DENND10: variants seen among roughly 807,000 people sequenced by gnomAD.
DENND10 encodes DENN domain-containing protein 10.
In DENND10, 24 loss-of-function variants were observed where a neutral mutation model predicts 43.6. The observed-to-expected ratio is 0.55, with a 90% confidence interval of 0.40 to 0.77. The LOEUF is 0.77. Among genes scored for constraint, DENND10 ranks in the 30% least tolerant of loss-of-function variants. The pLI is 0.00. For synonymous variants in DENND10, 125 were observed against 157.6 expected, an observed-to-expected ratio of 0.79 and a Z score of 1.55; for missense variants, 303 against 429.9, an observed-to-expected ratio of 0.70 and a Z score of 2.61.
At chr10:119,110,496 C>T (rs982033284) in intron 2 of DENND10, among the ~76,000 whole-genome samples, 9 of 151,990 alleles carry the variant, frequency 5.9e-5, no homozygotes, top group Admixed American at 2.6e-4. Context: ...CTCACTCTGT[C>T]GCCCAGCCTG....
intron 6 of DENND10, among the ~76,000 whole-genome samples, chr10:119,125,829 T>C (rs1006033317): frequency 1.6e-4 from 25 of 152,128 alleles, no homozygotes; most frequent in Non-Finnish European, 8.8e-5. Flanking sequence ...CTTCTAGTTA[T>C]TTTTAAATAT....
In DENND10 at chr10:119,125,544, G is replaced by A. The variant is rs188279414; in HGVS notation, c.694+1975G>A. Among the ~76,000 whole-genome samples, 18 of 108,260 alleles carry A rather than the reference G, an allele frequency of 1.7e-4. 1 individual carries two copies. The highest frequency in any genetic ancestry group is 6.3e-4 in the African/African-American group (18 of 28,746). 71.0% of individuals were successfully genotyped at this position (108,260 alleles called of 152,430 possible). A position where few individuals can be genotyped will look rare whatever the true frequency, so the allele number is the denominator to read the frequency against. On this transcript the variant is annotated intron_variant, in intron 6 of 8. Coordinates refer to ENST00000361432, the MANE Select transcript of DENND10 (RefSeq NM_207009.4). ...TTTTTTTGAGTTGGAGTCTCACTCT[G>A]TTGCCCAGGCTGGAGTGCAGTGGCA... is the stretch of plus-strand genomic sequence containing the variant.
At chr10:119,111,771 G>T in intron 2 of DENND10, 78 bp from the exon 3 acceptor site, 1 of 1,125,512 alleles carries the variant, frequency 8.9e-7, no homozygotes, top group Non-Finnish European at 1.3e-6. Flanking sequence ...TATACAAAAG[G>T]TTTGTTAGAA....
intron 1 of DENND10, among the ~76,000 whole-genome samples, chr10:119,106,208 G>T (rs1483255047): frequency 6.6e-6 from 1 of 152,076 alleles, no homozygotes; most frequent in Non-Finnish European, 1.5e-5. Flanking sequence ...AAGTGACAGA[G>T]TTAGACCCTG....
intron 3 of DENND10, among the ~76,000 whole-genome samples, 179 bp downstream of exon 3, chr10:119,112,107 T>A (rs1255028804): frequency 6.6e-6 from 1 of 152,200 alleles, no homozygotes; most frequent in African/African-American, 2.4e-5. Context: ...GATACTTCTC[T>A]TATTTGGGTA....
chr10:119,111,336 G>T (rs1844966067), intron 2 of DENND10, among the ~76,000 whole-genome samples: 1 of 150,942 alleles, frequency 6.6e-6, no homozygotes, highest in Admixed American at 6.6e-5. Flanking sequence ...TAAAATAAGG[G>T]TTTGGTGGTA....
chr10:119,135,791 T>TAAA lies in DENND10; in HGVS notation c.898-657_898-655dup, dbSNP rs367836571. 7.6e-3 allele frequency among the ~76,000 whole-genome samples: 488 copies of TAAA among 64,008 alleles called. 23 individuals are homozygous for TAAA. Among genetic ancestry groups the TAAA allele is most frequent in the African/African-American group, 0.026 (447 of 16,980 alleles). The allele number at this position is 64,008 out of a possible 152,430, so 42.0% of individuals were successfully genotyped here. ...TACACTCAGAAAATGACTAAAATTG[T>TAAA]AAAAAAAAAAAAAAAAAAAAAAAAA... On this transcript the variant is annotated intron_variant, in intron 8 of 8. Transcript: ENST00000361432.
intron 2 of DENND10, among the ~76,000 whole-genome samples, chr10:119,110,266 G>A (rs1273795033): frequency 6.6e-6 from 1 of 151,642 alleles, no homozygotes; most frequent in Non-Finnish European, 1.5e-5. Context: ...CTGCCTCCCA[G>A]GATCAAGCGA....
chr10:119,121,336 G>C (rs1450953497), intron 5 of DENND10, among the ~76,000 whole-genome samples: 1 of 151,036 alleles, frequency 6.6e-6, no homozygotes, highest in Non-Finnish European at 1.5e-5. Context: ...GGGGTTTCTG[G>C]GGTCTCACTA....
chr10:119,106,580 C>T (rs960723560), intron 1 of DENND10, among the ~76,000 whole-genome samples: 4 of 152,214 alleles, frequency 2.6e-5, no homozygotes, highest in South Asian at 2.1e-4. Flanking sequence ...TGGCCTCAGG[C>T]GATCCTCCTG....
In DENND10 at chr10:119,132,451, C is replaced by A; in HGVS notation, c.803-64C>A. ...CCCTCAGTGTGGTCTTCCAAGTTTT[C>A]AGATAGATGGCATGATTATTTTTTA... On this transcript the variant is annotated intron_variant, in intron 7 of 8. Transcript: ENST00000361432. The surrounding 1 kb of genome is among the most constrained non-coding windows in gnomAD (Gnocchi z 4.2). The A allele has an allele frequency of 7.1e-7, 1 of 1,400,202 alleles. No individual in the cohort carries two copies. The highest frequency in any genetic ancestry group is 1.2e-5 in the South Asian group (1 of 86,424). The allele number at this position is 1,400,202 out of a possible 1,614,324, so 86.7% of individuals were successfully genotyped here. A position where few individuals can be genotyped will look rare whatever the true frequency, so the allele number is the denominator to read the frequency against.
chr10:119,106,098 G>T (rs1466895658), intron 1 of DENND10, among the ~76,000 whole-genome samples: 7 of 152,096 alleles, frequency 4.6e-5, no homozygotes, highest in Non-Finnish European at 8.8e-5. Flanking sequence ...GGAGGCTGAG[G>T]CAGGAGAATC....
At chr10:119,117,154 C>T (rs974889612) in intron 3 of DENND10, among the ~76,000 whole-genome samples, 13 of 151,708 alleles carry the variant, frequency 8.6e-5, no homozygotes, top group African/African-American at 2.7e-4. Flanking sequence ...GGCGGATTAC[C>T]TGAGGTCAGG....
intron 1 of DENND10, among the ~76,000 whole-genome samples, chr10:119,107,293 G>A (rs1222548874): frequency 1.0e-4 from 11 of 105,576 alleles, no homozygotes; most frequent in Non-Finnish European, 1.5e-4. Flanking sequence ...GTGAGACTCC[G>A]CCTCAAAAAA....
rs372426195 is a variant in DENND10 at position 119,117,648 on chromosome 10, C to T, written c.462C>T (p.Tyr154=). Reference sequence around the variant, plus strand: ...AGGATTTTGATGCCCGAAAGGCCTACCTGGCTGGCTCCATCAAAGGTAAGA... The same window carrying T: ...AGGATTTTGATGCCCGAAAGGCCTATCTGGCTGGCTCCATCAAAGGTAAGA... ...LSKDFDARKA[Y]LAGSIKDIVS... Residue 154 remains tyrosine, a synonymous_variant, in exon 4 of 9, where the codon TAC becomes TAT. Coordinates refer to ENST00000361432, the MANE Select transcript of DENND10 (RefSeq NM_207009.4). 2.2e-4 allele frequency: 359 copies of T among 1,613,938 alleles called. 6 individuals are homozygous for T. The South Asian group carries it at 3.7e-3, about 17-fold the overall frequency.
chr10:119,120,501 C>A (rs780706956), intron 5 of DENND10, 49 bp downstream of exon 5: 1 of 1,154,088 alleles, frequency 8.7e-7, no homozygotes, highest in South Asian at 1.2e-5. Context: ...GCAGACAGTT[C>A]GCAGCACTAG....
chr10:119,117,376 A>G, intron 3 of DENND10, 143 bp from the exon 4 acceptor site: 2 of 849,604 alleles, frequency 2.4e-6, no homozygotes, highest in Non-Finnish European at 1.8e-6. Flanking sequence ...TGTCTCAAAA[A>G]AAACAGAAGA....
intron 1 of DENND10, 143 bp downstream of exon 1, chr10:119,104,340 T>G: frequency 1.4e-6 from 1 of 719,368 alleles, no homozygotes; most frequent in South Asian, 2.4e-5. Flanking sequence ...GGGCCTGGAC[T>G]GGGGACTGCG....
At chr10:119,108,937 G>C (rs890641605) in intron 2 of DENND10, among the ~76,000 whole-genome samples, 1 of 45,302 alleles carries the variant, frequency 2.2e-5, no homozygotes, top group African/African-American at 4.4e-5. Flanking sequence ...AAGGCAGGCC[G>C]AGCGTGTTGG....
Sources: allele counts gnomAD v4.1 joint callset (sites outside exome capture counted in the v4.1 genomes callset), GRCh38; gene constraint gnomAD v4.1.1; non-coding constraint Gnocchi (gnomAD v3.1); transcripts MANE v1.5; gene names NCBI Gene and HGNC (gene_info 2026-07-23, HGNC 2026-07-21).